The following SLC4A4 variants were observed in gnomAD, a reference collection of about 807,000 sequenced individuals.
SLC4A4 encodes solute carrier family 4 member 4.
SLC4A4 carries 27 observed loss-of-function variants against 111.5 expected under a neutral mutation model. The ratio of observed to expected loss-of-function variants is 0.24; its 90% CI spans 0.18 to 0.33. The LOEUF (loss-of-function observed/expected upper bound fraction) is 0.33. Among genes scored for constraint, SLC4A4 ranks in the 10% least tolerant of loss-of-function variants. The pLI is 1.00. For synonymous variants in SLC4A4, 443 were observed against 463.4 expected, an observed-to-expected ratio of 0.96 and a Z score of 0.57; for missense variants, 909 against 1,315.5, an observed-to-expected ratio of 0.69 and a Z score of 4.78.
intron 12 of SLC4A4, among the ~76,000 whole-genome samples, chr4:71,461,906 G>A (rs890837481): frequency 1.3e-5 from 2 of 152,150 alleles, no homozygotes; most frequent in African/African-American, 4.8e-5. Flanking sequence ...TGATGCAAAG[G>A]AATGGAAAGA....
chr4:71,427,586 T>C (rs193037636), intron 7 of SLC4A4, among the ~76,000 whole-genome samples: 1 of 152,224 alleles, frequency 6.6e-6, no homozygotes, highest in Admixed American at 6.6e-5. Flanking sequence ...TCATTTGATC[T>C]TGTCTTCTGT....
At chr4:71,347,512 A>T (rs1399548999) in intron 4 of SLC4A4, among the ~76,000 whole-genome samples, 1 of 152,120 alleles carries the variant, frequency 6.6e-6, no homozygotes, top group Non-Finnish European at 1.5e-5. Context: ...AAGGGGCTAG[A>T]TAGCTGTCTG....
intron 1 of SLC4A4, among the ~76,000 whole-genome samples, chr4:71,192,464 A>G (rs1745774218): frequency 6.6e-6 from 1 of 152,234 alleles, no homozygotes; most frequent in Admixed American, 6.5e-5. Flanking sequence ...ACTACAAAGT[A>G]GAAGACGAAA....
intron 7 of SLC4A4, among the ~76,000 whole-genome samples, chr4:71,416,214 T>G (rs1351082161): frequency 6.6e-6 from 1 of 152,196 alleles, no homozygotes; most frequent in East Asian, 1.9e-4. Context: ...TGATGTTAGC[T>G]ATATATAGCA....
chr4:71,219,114 C>G (rs140546974), intron 1 of SLC4A4, among the ~76,000 whole-genome samples: 1 of 152,264 alleles, frequency 6.6e-6, no homozygotes, highest in Admixed American at 6.5e-5. Flanking sequence ...TAGCACGTCT[C>G]TCACTTTAAG....
At chr4:71,071,205 G>A (rs979333536) in intron 1 of SLC4A4, among the ~76,000 whole-genome samples, 1 of 149,894 alleles carries the variant, frequency 6.7e-6, no homozygotes, top group Non-Finnish European at 1.5e-5. Context: ...AGGAGGTGAA[G>A]GTTGCAGTGA....
intron 1 of SLC4A4, among the ~76,000 whole-genome samples, chr4:71,230,621 A>G (rs968053158): frequency 6.6e-6 from 1 of 151,894 alleles, no homozygotes; most frequent in Admixed American, 6.6e-5. Context: ...GTGATATTAA[A>G]CTCTGGTATG....
chr4:71,368,337 G>GTTAAAATTAAAAGTGAGTA (rs1731529920), intron 6 of SLC4A4, among the ~76,000 whole-genome samples: 1 of 152,166 alleles, frequency 6.6e-6, no homozygotes, highest in Admixed American at 6.5e-5. Flanking sequence ...AGGTTAAAAT[G>GTTAAAATTAAAAGTGAGTA]TTAAAATTAA....
At chr4:71,297,172 A>G (rs1344650272) in intron 3 of SLC4A4, among the ~76,000 whole-genome samples, 4 of 152,204 alleles carry the variant, frequency 2.6e-5, no homozygotes, top group Admixed American at 2.6e-4. Flanking sequence ...ACTCAGCTAG[A>G]GACTTGGCTG....
chr4:71,119,621 G>T (rs1417351259), intron 2 of SLC4A4, among the ~76,000 whole-genome samples: 1 of 152,138 alleles, frequency 6.6e-6, no homozygotes, highest in African/African-American at 2.4e-5. Context: ...TCATCATGAT[G>T]TGTATCAGTT....
At chr4:71,542,657 ATAC>A (rs1735167154) in intron 18 of SLC4A4, among the ~76,000 whole-genome samples, 1 of 152,024 alleles carries the variant, frequency 6.6e-6, no homozygotes, top group African/African-American at 2.4e-5. Context: ...CTCAACCTAA[ATAC>A]TACCCCCATG....
chr4:71,517,468 A>G (rs1475796435), intron 16 of SLC4A4, among the ~76,000 whole-genome samples: 3 of 152,072 alleles, frequency 2.0e-5, no homozygotes, highest in Non-Finnish European at 4.4e-5. Context: ...AAAATTTTGA[A>G]TGTAAGTAAT....
In SLC4A4 at chr4:71,255,626, T is replaced by C. The variant is rs149672569; in HGVS notation, c.253+227T>C. The stretch of plus-strand genomic sequence containing the variant: ...GTTGATCAGAAAAGGCCTGACTAAG[T>C]TTAGGCATAGCTGTGTATTCTACAT... On this transcript the variant is annotated intron_variant, in intron 3 of 25. Coordinates refer to ENST00000264485, the MANE Select transcript of SLC4A4 (RefSeq NM_001098484.3). Among the ~76,000 whole-genome samples the C allele has an allele frequency of 1.1e-3, 165 of 152,248 alleles. 3 individuals are homozygous for C. The highest frequency in any genetic ancestry group is 8.2e-3 in the Admixed American group (125 of 15,294).
intron 3 of SLC4A4, among the ~76,000 whole-genome samples, chr4:71,272,720 G>A (rs1264231329): frequency 6.6e-6 from 1 of 152,094 alleles, no homozygotes; most frequent in Admixed American, 6.5e-5. Context: ...ATATGACTTT[G>A]ACATGAAAAG....
At chr4:71,305,978 A>G (rs1427447803) in intron 3 of SLC4A4, among the ~76,000 whole-genome samples, 2 of 152,252 alleles carry the variant, frequency 1.3e-5, no homozygotes, top group African/African-American at 4.8e-5. Context: ...AATATTTCCT[A>G]AAGCATTGAG....
At chr4:71,294,336 G>C (rs1724610468) in intron 3 of SLC4A4, among the ~76,000 whole-genome samples, 1 of 152,144 alleles carries the variant, frequency 6.6e-6, no homozygotes, top group African/African-American at 2.4e-5. Flanking sequence ...ATTTCCCTTG[G>C]CATGTGATTC....
intron 2 of SLC4A4, among the ~76,000 whole-genome samples, chr4:71,244,123 G>A (rs1720455180): frequency 6.6e-6 from 1 of 152,118 alleles, no homozygotes; most frequent in African/African-American, 2.4e-5. Context: ...ATGTCTTCAA[G>A]GTAGAATGAA....
intron 2 of SLC4A4, among the ~76,000 whole-genome samples, chr4:71,093,915 G>A (rs577544157): frequency 4.5e-4 from 69 of 152,132 alleles, no homozygotes; most frequent in African/African-American, 1.6e-3. Context: ...TTAAATGTTC[G>A]AAAAATGAAG....
chr4:71,400,028 C>T (rs1057094819), intron 7 of SLC4A4, among the ~76,000 whole-genome samples: 14 of 152,188 alleles, frequency 9.2e-5, no homozygotes, highest in African/African-American at 3.4e-4. Flanking sequence ...TGTCTCCACT[C>T]ATTGCTTACC....
Sources: gnomAD v4.1 joint callset for allele counts (sites outside exome capture counted in the v4.1 genomes callset) on GRCh38, gnomAD v4.1.1 for gene constraint, MANE v1.5 for transcripts, NCBI Gene and HGNC (gene_info 2026-07-23, HGNC 2026-07-21) for gene names.